Variants in FGF14 observed in about 807,000 individuals in gnomAD.
The protein encoded by FGF14 is fibroblast growth factor 14.
FGF14 carries 5 observed loss-of-function variants against 25.5 expected under a neutral mutation model. The ratio of observed to expected loss-of-function variants is 0.20; its 90% confidence interval spans 0.10 to 0.41. The LOEUF (loss-of-function observed/expected upper bound fraction) is 0.41. FGF14 is among the 10% of genes least tolerant of loss of function. FGF14 has a pLI of 1.00. For synonymous variants in FGF14, 138 were observed against 118.3 expected (o/e 1.17, Z -1.08); for missense variants, 222 against 320.1 (o/e 0.69, Z 2.34).
chr13:101,841,267 C>A (rs2043178302), intron 3 of FGF14, among the ~76,000 whole-genome samples: 1 of 151,922 alleles, frequency 6.6e-6, no homozygotes, highest in African/African-American at 2.4e-5. Flanking sequence ...ACACTGTAAA[C>A]ATGGCATAAG....
At chr13:101,772,534 A>T (rs1237960169) in intron 3 of FGF14, among the ~76,000 whole-genome samples, 2 of 151,958 alleles carry the variant, frequency 1.3e-5, no homozygotes, top group Admixed American at 6.6e-5. Flanking sequence ...ATTACTTCTC[A>T]TTTATCTCTA....
intron 1 of FGF14, among the ~76,000 whole-genome samples, chr13:101,895,876 C>T (rs143900232): frequency 0.012 from 1,831 of 152,214 alleles, 9 homozygotes; most frequent in Non-Finnish European, 0.019. Flanking sequence ...TAAATGGTCA[C>T]GTTTCCTGGT....
intron 1 of FGF14, among the ~76,000 whole-genome samples, chr13:101,932,967 T>A (rs2139255579): frequency 6.6e-6 from 1 of 152,294 alleles, no homozygotes; most frequent in South Asian, 2.1e-4. Flanking sequence ...CGAGCTACAG[T>A]GATGTCCTGA....
At chr13:101,928,935 A>G (rs770340077) in intron 1 of FGF14, among the ~76,000 whole-genome samples, 2 of 152,148 alleles carry the variant, frequency 1.3e-5, no homozygotes, top group Non-Finnish European at 2.9e-5. Context: ...GATATGAATT[A>G]CTGCCTCCAA....
At chr13:102,383,887 ATCACACATTAAAAATG>A in intron 1 of FGF14, among the ~76,000 whole-genome samples, 1 of 152,270 alleles carries the variant, frequency 6.6e-6, no homozygotes, top group Middle Eastern at 3.4e-3. Context: ...GAAATGGGGT[ATCACACATTAAAAATG>A]TTACAAAAAA....
At chr13:101,792,272 G>A (rs1180802803) in intron 3 of FGF14, among the ~76,000 whole-genome samples, 1 of 152,070 alleles carries the variant, frequency 6.6e-6, no homozygotes, top group Non-Finnish European at 1.5e-5. Context: ...GAAAAGAGCT[G>A]TGGTCCACAC....
At chr13:102,208,720 C>T (rs1160264651) in intron 1 of FGF14, among the ~76,000 whole-genome samples, 2 of 152,130 alleles carry the variant, frequency 1.3e-5, no homozygotes, top group Admixed American at 6.5e-5. Flanking sequence ...TCCTACCTCA[C>T]ACTTGGGAAT....
intron 1 of FGF14, among the ~76,000 whole-genome samples, chr13:102,291,508 C>T (rs1407036843): frequency 4.6e-5 from 7 of 152,122 alleles, no homozygotes; most frequent in African/African-American, 1.7e-4. Context: ...AATGTGTTCT[C>T]TATTCACCAG....
chr13:102,305,121 T>C (rs1369560760), intron 1 of FGF14, among the ~76,000 whole-genome samples: 1 of 152,160 alleles, frequency 6.6e-6, no homozygotes, highest in East Asian at 1.9e-4. Flanking sequence ...GCACTGAAAA[T>C]GTATTGGATA....
intron 1 of FGF14, among the ~76,000 whole-genome samples, chr13:102,273,938 C>T (rs1378010813): frequency 1.1e-5 from 1 of 93,960 alleles, no homozygotes; most frequent in Non-Finnish European, 2.1e-5. Flanking sequence ...GAGCAAGACC[C>T]TGTCTCAAAA....
intron 1 of FGF14, among the ~76,000 whole-genome samples, chr13:101,966,707 C>T (rs551621551): frequency 1.4e-4 from 22 of 152,016 alleles, no homozygotes; most frequent in African/African-American, 5.1e-4. Context: ...GGTCTCGAAC[C>T]CCTGACCTCA....
At chr13:102,108,088 T>A (rs981245065) in intron 1 of FGF14, among the ~76,000 whole-genome samples, 2 of 152,218 alleles carry the variant, frequency 1.3e-5, no homozygotes, top group African/African-American at 2.4e-5. Context: ...ACTTATGAAA[T>A]AGTCATTAAA....
In FGF14 at chr13:102,096,389, T is replaced by G. The variant is rs1471575027; in HGVS notation, c.209-221093A>C. ...GGTATGCCAAGGACAGTCTGACTTA[T>G]GCCTGTTGTCCTGGTCTTTATTAAT... On this transcript the variant is annotated intron_variant, in intron 1 of 4. Coordinates refer to the FGF14 transcript ENST00000376131. Among the ~76,000 whole-genome samples, 3 of 151,978 alleles carry G rather than the reference T, an allele frequency of 2.0e-5. No individual in the cohort carries two copies. In the East Asian group the frequency reaches 5.8e-4, roughly 29 times the overall value.
intron 1 of FGF14, among the ~76,000 whole-genome samples, chr13:102,075,990 C>A (rs1458415418): frequency 6.6e-6 from 1 of 151,738 alleles, no homozygotes; most frequent in Admixed American, 6.6e-5. Flanking sequence ...GTGGTCTAAG[C>A]TAAGTGTTAT....
intron 3 of FGF14, among the ~76,000 whole-genome samples, chr13:101,822,636 T>C (rs1441194327): frequency 6.6e-6 from 1 of 152,144 alleles, no homozygotes; most frequent in Non-Finnish European, 1.5e-5. Flanking sequence ...GGAGTACATA[T>C]GATATTTTGA....
At chr13:102,182,337 TG>T (rs2048710059) in intron 1 of FGF14, among the ~76,000 whole-genome samples, 1 of 152,156 alleles carries the variant, frequency 6.6e-6, no homozygotes, top group Non-Finnish European at 1.5e-5. Context: ...TCAGAGCCTC[TG>T]GAGGGGCAGA....
chr13:102,214,595 C>T (rs1040778789), intron 1 of FGF14, among the ~76,000 whole-genome samples: 1 of 152,182 alleles, frequency 6.6e-6, no homozygotes, highest in Non-Finnish European at 1.5e-5. Context: ...AGTTTCAACA[C>T]TCACCACTCC....
intron 1 of FGF14, among the ~76,000 whole-genome samples, chr13:101,967,449 T>C (rs576667102): frequency 6.6e-6 from 1 of 152,224 alleles, no homozygotes; most frequent in Non-Finnish European, 1.5e-5. Context: ...TAAACAAAGC[T>C]TGATTATTTC....
intron 3 of FGF14, among the ~76,000 whole-genome samples, chr13:101,798,783 T>C (rs1027320165): frequency 7.9e-5 from 12 of 152,114 alleles, no homozygotes; most frequent in Non-Finnish European, 1.8e-4. Flanking sequence ...AATGTAGGAT[T>C]AAGGAAGTGA....
Sources: allele counts gnomAD v4.1 joint callset (sites outside exome capture counted in the v4.1 genomes callset), GRCh38; gene constraint gnomAD v4.1.1; transcripts MANE v1.5; gene names NCBI Gene and HGNC (gene_info 2026-07-23, HGNC 2026-07-21).